The following MSRB3 variants were observed in gnomAD, a reference collection of about 807,000 sequenced individuals.
MSRB3 encodes methionine sulfoxide reductase B3, also known as methionine-R-sulfoxide reductase B3.
A neutral mutation model predicts 21.0 loss-of-function variants in MSRB3; 13 were observed. The ratio of observed to expected loss-of-function variants is 0.62; its 90% confidence interval spans 0.40 to 0.98. MSRB3 has a LOEUF of 0.98. Ranked by LOEUF, MSRB3 falls within the 50% of genes least tolerant of loss-of-function variation. The pLI, the probability that MSRB3 is intolerant of heterozygous loss-of-function variation, is 0.00. For missense variants in MSRB3, 199 were observed against 230.3 expected, an observed-to-expected ratio of 0.86 and a Z score of 0.88; for synonymous variants, 87 against 88.6, an observed-to-expected ratio of 0.98 and a Z score of 0.10.
At chr12:65,384,056 A>T (rs148942928) in intron 5 of MSRB3, among the ~76,000 whole-genome samples, 36 of 152,362 alleles carry the variant, frequency 2.4e-4, no homozygotes, top group African/African-American at 8.2e-4. Flanking sequence ...TTAAAGACAG[A>T]TTATATTCTT....
intron 1 of MSRB3, among the ~76,000 whole-genome samples, chr12:65,305,970 A>G (rs1266001361): frequency 6.6e-6 from 1 of 152,228 alleles, no homozygotes; most frequent in Non-Finnish European, 1.5e-5. Flanking sequence ...AGCATATACT[A>G]TGTCCCAGGA....
At chr12:65,378,186 G>A (rs577445449) in intron 5 of MSRB3, among the ~76,000 whole-genome samples, 1 of 152,042 alleles carries the variant, frequency 6.6e-6, no homozygotes, top group Non-Finnish European at 1.5e-5. Context: ...AATATCCCTG[G>A]ATAGTTTTTG....
chr12:65,339,860 T>C (rs927531335), intron 4 of MSRB3, among the ~76,000 whole-genome samples: 1 of 152,064 alleles, frequency 6.6e-6, no homozygotes, highest in African/African-American at 2.4e-5. Flanking sequence ...AGTCCCCAAA[T>C]TGATTAAGGT....
chr12:65,397,906 G>T (rs1879900884), intron 5 of MSRB3, among the ~76,000 whole-genome samples: 1 of 152,104 alleles, frequency 6.6e-6, no homozygotes, highest in Non-Finnish European at 1.5e-5. Flanking sequence ...ATGGTTTCCA[G>T]CTTCATCCAT....
At chr12:65,389,104 G>A (rs1288830409) in intron 5 of MSRB3, among the ~76,000 whole-genome samples, 2 of 152,066 alleles carry the variant, frequency 1.3e-5, no homozygotes, top group African/African-American at 2.4e-5. Flanking sequence ...GCATTGTGTG[G>A]AGTATCCAGC....
intron 2 of MSRB3, among the ~76,000 whole-genome samples, chr12:65,315,210 T>C (rs142546227): frequency 4.8e-4 from 73 of 152,348 alleles, no homozygotes; most frequent in African/African-American, 1.6e-3. Context: ...GATGCAACGA[T>C]AAATTATCTG....
At chr12:65,422,392 A>G (rs1310731003) in intron 5 of MSRB3, among the ~76,000 whole-genome samples, 1 of 22,658 alleles carries the variant, frequency 4.4e-5, no homozygotes, top group African/African-American at 1.2e-4. Context: ...TACATAGTAT[A>G]TATATATATA....
rs1197305296 is a variant in MSRB3 at position 65,326,872 on chromosome 12, G to T, written c.123G>T (p.Gln41His). Residue 41 changes from glutamine to histidine, a missense_variant, in exon 3 of 7, where the codon CAG (glutamine) becomes CAT (histidine). Transcript: ENST00000308259. ...KKNCKVVFSQ[Q>H]ELRKRLTPLQ... ...ACTGTAAGGTGGTCTTTTCCCAGCAGGAACTGAGGAAGCGGCTAACACCCC... is the reference window on the plus strand; with the variant it reads ...ACTGTAAGGTGGTCTTTTCCCAGCATGAACTGAGGAAGCGGCTAACACCCC... 2 of 1,613,360 alleles carry T rather than the reference G, an allele frequency of 1.2e-6. No homozygotes were observed. The highest frequency in any genetic ancestry group is 1.7e-6 in the Non-Finnish European group (2 of 1,179,772).
chr12:65,445,064 T>C (rs546106285), intron 5 of MSRB3, among the ~76,000 whole-genome samples: 2 of 152,168 alleles, frequency 1.3e-5, no homozygotes, highest in African/African-American at 2.4e-5. Context: ...AGAAACTGAT[T>C]TTGTTATTTT....
At chr12:65,290,569 T>C (rs531354947) in intron 1 of MSRB3, among the ~76,000 whole-genome samples, 1 of 151,368 alleles carries the variant, frequency 6.6e-6, no homozygotes, top group Non-Finnish European at 1.5e-5. Flanking sequence ...TTAAAAATTC[T>C]CTGGGATTCA....
chr12:65,384,797 C>G (rs141452899), intron 5 of MSRB3, among the ~76,000 whole-genome samples: 21 of 152,140 alleles, frequency 1.4e-4, no homozygotes, highest in Non-Finnish European at 2.4e-4. Context: ...ATTATGTTTT[C>G]AATTAGGGTA....
intron 4 of MSRB3, among the ~76,000 whole-genome samples, chr12:65,334,280 G>A (rs544740546): frequency 6.4e-4 from 97 of 152,264 alleles, no homozygotes; most frequent in Non-Finnish European, 1.0e-3. Flanking sequence ...ATGGTTCTTA[G>A]TGCTTCATAT....
At chr12:65,402,715 C>T (rs1247709325) in intron 5 of MSRB3, among the ~76,000 whole-genome samples, 2 of 152,184 alleles carry the variant, frequency 1.3e-5, no homozygotes, top group African/African-American at 2.4e-5. Flanking sequence ...GAATTTTCAG[C>T]CATTTTGCGC....
chr12:65,409,022 G>A (rs1275364141), intron 5 of MSRB3, among the ~76,000 whole-genome samples: 3 of 152,064 alleles, frequency 2.0e-5, no homozygotes, highest in East Asian at 1.9e-4. Context: ...ATGAAAGTGT[G>A]TCCCTTCCTT....
chr12:65,396,123 A>G (rs1879766075), intron 5 of MSRB3, among the ~76,000 whole-genome samples: 2 of 152,082 alleles, frequency 1.3e-5, no homozygotes, highest in East Asian at 1.9e-4. Flanking sequence ...TTCTTTTCTC[A>G]TAAATGTATT....
chr12:65,348,590 G>A (rs1462670582), intron 4 of MSRB3, among the ~76,000 whole-genome samples: 1 of 151,990 alleles, frequency 6.6e-6, no homozygotes, highest in Non-Finnish European at 1.5e-5. Flanking sequence ...ATTTCCTTCA[G>A]TTCTGCTCTG....
At chr12:65,308,362 G>T (rs989034035) in intron 1 of MSRB3, among the ~76,000 whole-genome samples, 167 bp from the exon 2 acceptor site, 74 of 152,324 alleles carry the variant, frequency 4.9e-4, no homozygotes, top group African/African-American at 1.8e-3. Flanking sequence ...AATAAAGCTA[G>T]ATTGAAAGTA....
intron 4 of MSRB3, among the ~76,000 whole-genome samples, chr12:65,361,716 C>G (rs1315964933): frequency 6.6e-6 from 1 of 151,998 alleles, no homozygotes; most frequent in Non-Finnish European, 1.5e-5. Context: ...ATATCTTAAC[C>G]AAACAACCAT....
chr12:65,322,937 A>G (rs1393885678), intron 2 of MSRB3, among the ~76,000 whole-genome samples: 1 of 152,178 alleles, frequency 6.6e-6, no homozygotes, highest in Non-Finnish European at 1.5e-5. Flanking sequence ...TTCTTCCTTC[A>G]TTTCCCACTT....
Sources: allele counts gnomAD v4.1 joint callset (sites outside exome capture counted in the v4.1 genomes callset), GRCh38; gene constraint gnomAD v4.1.1; transcripts MANE v1.5; gene names NCBI Gene and HGNC (gene_info 2026-07-23, HGNC 2026-07-21).